Variants in SUGCT observed in about 807,000 individuals in gnomAD.
The protein encoded by SUGCT is succinyl-CoA:glutarate-CoA transferase, also known as succinyl-CoA:glutarate CoA-transferase.
In SUGCT, 41 loss-of-function variants were observed where a neutral mutation model predicts 55.0. That is an observed-to-expected ratio of 0.74 (90% CI 0.58 to 0.97). The LOEUF is 0.97. Among genes scored for constraint, SUGCT ranks in the 50% least tolerant of loss-of-function variants. The pLI is 0.00. For synonymous variants in SUGCT, 187 were observed against 200.4 expected, an observed-to-expected ratio of 0.93 and a Z score of 0.56; for missense variants, 568 against 547.8, an observed-to-expected ratio of 1.04 and a Z score of -0.37.
At chr7:40,136,558 T>C (rs1002567153) in intron 1 of SUGCT, among the ~76,000 whole-genome samples, 12 of 152,242 alleles carry the variant, frequency 7.9e-5, no homozygotes, top group African/African-American at 2.7e-4. Context: ...CTTCTGTAGA[T>C]ACAAGTGATA....
At chr7:40,772,546 C>CTGG (rs1419397396) in intron 13 of SUGCT, among the ~76,000 whole-genome samples, 2 of 148,174 alleles carry the variant, frequency 1.3e-5, no homozygotes, top group African/African-American at 5.0e-5. Context: ...ATCTATCTAT[C>CTGG]TATCTATCTA....
intron 12 of SUGCT, among the ~76,000 whole-genome samples, chr7:40,655,575 G>A (rs1299138343): frequency 6.6e-6 from 1 of 152,174 alleles, no homozygotes; most frequent in East Asian, 1.9e-4. Context: ...TTACAAAGCT[G>A]ATGACCCACT....
At chr7:40,439,211 C>T (rs1022028552) in intron 9 of SUGCT, among the ~76,000 whole-genome samples, 1 of 150,124 alleles carries the variant, frequency 6.7e-6, no homozygotes, top group South Asian at 2.1e-4. Context: ...ACCTGCCTCA[C>T]TCCTTTAATC....
At chr7:40,879,081 C>T in the SUGCT span, among the ~76,000 whole-genome samples, 14 of 152,234 alleles carry the variant, frequency 9.2e-5, no homozygotes, top group East Asian at 1.4e-3. Flanking sequence ...CATGAACCAC[C>T]GCGCCCAGCC....
At chr7:40,865,614 G>T (rs1333743479), downstream of SUGCT, among the ~76,000 whole-genome samples, 1 of 152,170 alleles carries the variant, frequency 6.6e-6, no homozygotes, top group South Asian at 2.1e-4. Flanking sequence ...CGCTGGAGCC[G>T]AACAGCTTGG....
intron 13 of SUGCT, among the ~76,000 whole-genome samples, chr7:40,856,055 C>T (rs1794153128): frequency 6.6e-6 from 1 of 152,184 alleles, no homozygotes; most frequent in South Asian, 2.1e-4. Context: ...CTCTCATAAT[C>T]ACTGACTTTA....
At chr7:40,370,206 T>C (rs1784222921) in intron 9 of SUGCT, among the ~76,000 whole-genome samples, 1 of 152,152 alleles carries the variant, frequency 6.6e-6, no homozygotes, top group Non-Finnish European at 1.5e-5. Context: ...CTGCGTCCCT[T>C]TCCTCTCAGC....
intron 12 of SUGCT, among the ~76,000 whole-genome samples, chr7:40,582,782 G>A (rs1432698577): frequency 6.6e-6 from 1 of 152,116 alleles, no homozygotes; most frequent in Admixed American, 6.5e-5. Flanking sequence ...CTCATTGGGT[G>A]GGCCCTTAAC....
rs143134369 is a variant in SUGCT at position 40,498,880 on chromosome 7, T to C, written c.1089+2494T>C. The stretch of plus-strand genomic sequence containing the variant: ...GGATCATTAAGTTAAGCTTGCACTC[T>C]ACTATCCTTTTATAAAAATATATCT... On this transcript the variant is annotated intron_variant, in intron 12 of 13. Coordinates refer to ENST00000335693, the MANE Select transcript of SUGCT (RefSeq NM_001193313.2). 1.7e-3 allele frequency: 604 copies of C among 362,392 alleles called. 4 individuals carry two copies. The highest frequency in any genetic ancestry group is 0.012 in the African/African-American group (544 of 46,964). 22.4% of individuals were successfully genotyped at this position (362,392 alleles called of 1,614,324 possible).
intron 12 of SUGCT, among the ~76,000 whole-genome samples, chr7:40,657,596 G>A (rs904204529): frequency 5.9e-5 from 9 of 151,936 alleles, no homozygotes; most frequent in African/African-American, 1.9e-4. Flanking sequence ...GTGCAATGGC[G>A]CAGTCTCGGC....
At chr7:40,386,102 G>A (rs999127899) in intron 9 of SUGCT, among the ~76,000 whole-genome samples, 4 of 152,200 alleles carry the variant, frequency 2.6e-5, no homozygotes, top group African/African-American at 4.8e-5. Flanking sequence ...CGTCTTCACT[G>A]TACTAGGACA....
At chr7:40,606,094 G>T (rs548975559) in intron 12 of SUGCT, among the ~76,000 whole-genome samples, 75 of 152,318 alleles carry the variant, frequency 4.9e-4, no homozygotes, top group African/African-American at 1.8e-3. Flanking sequence ...GTAGTGGATG[G>T]ATAGAGGGTA....
intron 6 of SUGCT, among the ~76,000 whole-genome samples, chr7:40,236,442 C>CAAAAAAAAAAAAAAAAAAA (rs60720770): frequency 1.1e-5 from 1 of 90,022 alleles, no homozygotes; most frequent in South Asian, 3.8e-4. Flanking sequence ...TTTCTGATGG[C>CAAAAAAAAAAAAAAAAAAA]AAAAAAAAAA....
At chr7:40,974,276 C>T in the SUGCT span, among the ~76,000 whole-genome samples, 1 of 152,106 alleles carries the variant, frequency 6.6e-6, no homozygotes, top group African/African-American at 2.4e-5. Context: ...GTTTATGTTC[C>T]CCCAAATTCA....
chr7:40,834,634 G>A (rs771187793), intron 13 of SUGCT, among the ~76,000 whole-genome samples: 8 of 152,120 alleles, frequency 5.3e-5, no homozygotes, highest in Non-Finnish European at 1.0e-4. Flanking sequence ...CCTGGAACAT[G>A]GCACTTAATT....
At chr7:40,722,891 C>T (rs1786419736) in intron 12 of SUGCT, among the ~76,000 whole-genome samples, 1 of 151,762 alleles carries the variant, frequency 6.6e-6, no homozygotes, top group Admixed American at 6.6e-5. Flanking sequence ...ATTTATAAAC[C>T]CTATAAATCA....
chr7:40,679,341 C>T (rs1211007169), intron 12 of SUGCT, among the ~76,000 whole-genome samples: 1 of 151,894 alleles, frequency 6.6e-6, no homozygotes, highest in Non-Finnish European at 1.5e-5. Flanking sequence ...GCTAGCCCAC[C>T]ATTCCTGGAG....
chr7:40,570,823 C>T (rs1285834823), intron 12 of SUGCT, among the ~76,000 whole-genome samples: 2 of 146,798 alleles, frequency 1.4e-5, no homozygotes, highest in African/African-American at 5.2e-5. Flanking sequence ...AACAGGTACA[C>T]TCCCCTCTGG....
the SUGCT span, among the ~76,000 whole-genome samples, chr7:41,004,201 C>G: frequency 6.6e-6 from 1 of 152,204 alleles, no homozygotes; most frequent in Non-Finnish European, 1.5e-5. Context: ...GGCCTTCTGT[C>G]TGATTCTCAT....
Sources: gnomAD v4.1 joint callset for allele counts (sites outside exome capture counted in the v4.1 genomes callset) on GRCh38, gnomAD v4.1.1 for gene constraint, MANE v1.5 for transcripts, NCBI Gene and HGNC (gene_info 2026-07-23, HGNC 2026-07-21) for gene names.